PTPN14: variants seen among roughly 807,000 people sequenced by gnomAD.
PTPN14 encodes the protein tyrosine-protein phosphatase non-receptor type 14.
Under a neutral mutation model 126.8 loss-of-function variants are expected in PTPN14, and 53 were observed. That is an observed-to-expected ratio of 0.42 (90% CI 0.34 to 0.53). The LOEUF (loss-of-function observed/expected upper bound fraction) is 0.53, where lower values mean the gene tolerates loss of function less well. Ranked by LOEUF, PTPN14 falls within the 20% of genes least tolerant of loss-of-function variation. The pLI is 0.08. For missense variants in PTPN14, 1,257 were observed against 1,552.9 expected, an observed-to-expected ratio of 0.81 and a Z score of 3.20; for synonymous variants, 630 against 599.3, an observed-to-expected ratio of 1.05 and a Z score of -0.75.
chr1:214,497,183 T>A (rs115368048), intron 1 of PTPN14, among the ~76,000 whole-genome samples: 1 of 151,988 alleles, frequency 6.6e-6, no homozygotes, highest in Non-Finnish European at 1.5e-5. Context: ...ACTTGCAACA[T>A]ATGTAACAGA....
chr1:214,357,856 T>C lies in PTPN14; in HGVS notation c.*66A>G, dbSNP rs1657860038. The C allele has an allele frequency of 2.0e-6, 3 of 1,484,290 alleles. No individual in the cohort carries two copies. The South Asian group carries it at 3.6e-5, about 18-fold the overall frequency. The allele number at this position is 1,484,290 out of a possible 1,614,324, so 91.9% of individuals were successfully genotyped here. On this transcript the variant is annotated 3_prime_UTR_variant, in exon 19 of 19. Coordinates refer to ENST00000366956, the MANE Select transcript of PTPN14 (RefSeq NM_005401.5). ...ACCCCTGTGGGGGGAGCAGATGTTG[T>C]CTGGAGGTGACTCTCCTCCAGCGCG...
intron 3 of PTPN14, among the ~76,000 whole-genome samples, chr1:214,448,740 A>T (rs988665259): frequency 4.6e-5 from 7 of 152,266 alleles, no homozygotes; most frequent in South Asian, 2.1e-4. Flanking sequence ...CCTCTACAGG[A>T]TACCACATGG....
chr1:214,388,672 T>A (rs1658681558), intron 11 of PTPN14, among the ~76,000 whole-genome samples: 1 of 152,212 alleles, frequency 6.6e-6, no homozygotes, highest in South Asian at 2.1e-4. Flanking sequence ...CCTCCCAAAG[T>A]GCTGGGATTA....
At chr1:214,527,556 T>A (rs2102465056) in intron 1 of PTPN14, among the ~76,000 whole-genome samples, 1 of 152,296 alleles carries the variant, frequency 6.6e-6, no homozygotes, top group African/African-American at 2.4e-5. Context: ...CTCTAAAAAT[T>A]AATTATATAT....
chr1:214,443,343 AC>A (rs1449943932), intron 3 of PTPN14, among the ~76,000 whole-genome samples: 1 of 151,904 alleles, frequency 6.6e-6, no homozygotes, highest in African/African-American at 2.4e-5. Flanking sequence ...ACTTTACACC[AC>A]CTCCCCAATT....
chr1:214,376,876 T>A (rs923835273), intron 14 of PTPN14, among the ~76,000 whole-genome samples: 1 of 152,194 alleles, frequency 6.6e-6, no homozygotes, highest in African/African-American at 2.4e-5. Context: ...TCCAATAACA[T>A]GGTATTAATT....
chr1:214,469,920 CAG>C (rs1660716283), intron 1 of PTPN14, among the ~76,000 whole-genome samples: 1 of 151,650 alleles, frequency 6.6e-6, no homozygotes, highest in African/African-American at 2.4e-5. Context: ...AAAAAATAAA[CAG>C]AAATAAGTTA....
chr1:214,550,734 C>A (rs1181149432), intron 1 of PTPN14, among the ~76,000 whole-genome samples: 1 of 152,174 alleles, frequency 6.6e-6, no homozygotes, highest in Non-Finnish European at 1.5e-5. Context: ...AAGATTCCTT[C>A]CCGGTGGTGG....
intron 3 of PTPN14, among the ~76,000 whole-genome samples, chr1:214,424,479 T>A (rs1260364864): frequency 6.6e-6 from 1 of 151,842 alleles, no homozygotes; most frequent in Non-Finnish European, 1.5e-5. Flanking sequence ...GACTTTAATT[T>A]CCATAGCATG....
intron 17 of PTPN14, among the ~76,000 whole-genome samples, chr1:214,366,983 CAAAA>C (rs60761312): frequency 8.0e-6 from 1 of 125,402 alleles, no homozygotes; most frequent in Non-Finnish European, 1.7e-5. Context: ...GACTCCATCT[CAAAA>C]AAAAAAAAAA....
At chr1:214,440,360 T>A (rs1341539772) in intron 3 of PTPN14, among the ~76,000 whole-genome samples, 2 of 152,226 alleles carry the variant, frequency 1.3e-5, no homozygotes, top group Non-Finnish European at 2.9e-5. Flanking sequence ...TGTTTAAGAT[T>A]TGAATGATGT....
At chr1:214,389,334 A>T (rs561991029) in intron 11 of PTPN14, among the ~76,000 whole-genome samples, 17 of 152,258 alleles carry the variant, frequency 1.1e-4, no homozygotes, top group Non-Finnish European at 2.2e-4. Context: ...ATAATAGCTA[A>T]TCCCTCAAAC....
chr1:214,528,037 C>T lies in PTPN14; in HGVS notation c.-155+23146G>A, dbSNP rs145974438. ...TCAATATTGCAATAAGACACTCTAA[C>T]TTTAAGTCATCGATATCTTAATAAA... is the stretch of plus-strand genomic sequence containing the variant. On this transcript the variant is annotated intron_variant, in intron 1 of 18. Transcript: ENST00000366956. 7.4e-4 allele frequency among the ~76,000 whole-genome samples: 112 copies of T among 152,136 alleles called. No individual in the cohort carries two copies. The East Asian group carries it at 0.018, about 24-fold the overall frequency.
At chr1:214,425,486 T>G (rs529966276) in intron 3 of PTPN14, among the ~76,000 whole-genome samples, 88 of 152,376 alleles carry the variant, frequency 5.8e-4, no homozygotes, top group South Asian at 2.5e-3. Context: ...GTGCATCTAT[T>G]TTGCCTCCTT....
intron 1 of PTPN14, among the ~76,000 whole-genome samples, chr1:214,502,314 A>G (rs1654726401): frequency 1.3e-5 from 2 of 152,144 alleles, no homozygotes; most frequent in Admixed American, 1.3e-4. Flanking sequence ...GCCTGAGATT[A>G]ACAGAGAGAG....
intron 3 of PTPN14, among the ~76,000 whole-genome samples, chr1:214,429,267 T>C (rs925709249): frequency 6.6e-6 from 1 of 152,112 alleles, no homozygotes; most frequent in Non-Finnish European, 1.5e-5. Context: ...CACCCAGAAA[T>C]AGATATGTTC....
intron 11 of PTPN14, 80 bp from the exon 12 acceptor site, chr1:214,387,002 G>T: frequency 1.5e-6 from 2 of 1,315,102 alleles, no homozygotes; most frequent in Non-Finnish European, 2.1e-6. Flanking sequence ...CAGGCACACG[G>T]CAGTCCCGCC....
In PTPN14 at chr1:214,372,739, T is replaced by C; in HGVS notation, c.3008A>G (p.Asn1003Ser). The change falls in exon 16 of 19, where the codon AAT becomes AGT. Residue 1003 changes from asparagine (N) to serine (S), a missense_variant. Transcript: ENST00000366956. ...CTCTGCAGTGACCATGGCAATCACA[T>C]TCACTCCCTGCTCCCACACCATCTG... is the stretch of plus-strand genomic sequence containing the variant. Reference protein sequence around the residue: ...FWQMVWEQGVNVIAMVTAEEE... With the variant: ...FWQMVWEQGVSVIAMVTAEEE... 6.2e-7 allele frequency: 1 copy of C among 1,614,016 alleles called. No individual in the cohort carries two copies. The highest frequency in any genetic ancestry group is 8.5e-7 in the Non-Finnish European group (1 of 1,179,912).
At chr1:214,516,661 T>G (rs1655109362) in intron 1 of PTPN14, among the ~76,000 whole-genome samples, 2 of 152,306 alleles carry the variant, frequency 1.3e-5, no homozygotes, top group South Asian at 4.2e-4. Flanking sequence ...TTACCAGGAC[T>G]GTAAATATTT....
Sources: allele counts gnomAD v4.1 joint callset (sites outside exome capture counted in the v4.1 genomes callset), GRCh38; gene constraint gnomAD v4.1.1; transcripts MANE v1.5; gene names NCBI Gene and HGNC (gene_info 2026-07-23, HGNC 2026-07-21).